LRP1B: variants seen among roughly 807,000 people sequenced by gnomAD.
LRP1B encodes the protein low-density lipoprotein receptor-related protein 1B.
LRP1B carries 217 observed loss-of-function variants against 556.6 expected under a neutral mutation model. The ratio of observed to expected loss-of-function variants is 0.39; its 90% CI spans 0.35 to 0.44. The LOEUF is 0.44. LRP1B is among the 20% of genes least tolerant of loss of function. The probability of loss-of-function intolerance (pLI) is 1.00; values close to 1 mark genes in which losing one functional copy is unlikely to be tolerated. For missense variants in LRP1B, 5,053 were observed against 5,620.8 expected (o/e 0.90, Z 3.23); for synonymous variants, 2,047 against 1,865.8 (o/e 1.10, Z -2.50).
At chr2:142,117,421 G>T (rs949288002) in intron 1 of LRP1B, among the ~76,000 whole-genome samples, 1 of 151,762 alleles carries the variant, frequency 6.6e-6, no homozygotes, top group Non-Finnish European at 1.5e-5. Context: ...CATTATGCTC[G>T]GCTCTCTAGG....
chr2:141,983,332 C>T (rs568418758), intron 1 of LRP1B, among the ~76,000 whole-genome samples: 142 of 152,264 alleles, frequency 9.3e-4, no homozygotes, highest in Non-Finnish European at 1.2e-3. Context: ...TTCCTGTTGT[C>T]GTTACTATTT....
chr2:140,541,087 G>T lies in LRP1B; in HGVS notation c.7399C>A (p.Pro2467Thr), dbSNP rs1248007303. Reference protein sequence around the residue: ...ANDTNSCELSPCALLNGGCHD... With the variant: ...ANDTNSCELSTCALLNGGCHD... ...CAGCCTCCATTCAATAATGCACATG[G>T]AGAAAGTTCACCTACAATAAAGAGG... Residue 2467 changes from proline to threonine, a missense_variant, in exon 45 of 91, where the codon CCA becomes ACA. Physicochemically the swap from Pro to Thr is conservative, Grantham distance 38. Around this residue, in one of 5 missense-constraint regions of LRP1B, gnomAD observed 3,619 missense variants for 3,931.9 expected, o/e 0.92. Coordinates refer to ENST00000389484, the MANE Select transcript of LRP1B (RefSeq NM_018557.3). 6.2e-7 allele frequency: 1 copy of T among 1,609,004 alleles called. No individual in the cohort carries two copies. Among genetic ancestry groups the T allele is most frequent in the Non-Finnish European group, 8.5e-7 (1 of 1,176,594 alleles).
At chr2:140,769,070 A>G in intron 35 of LRP1B, 143 bp downstream of exon 35, 1 of 719,146 alleles carries the variant, frequency 1.4e-6, no homozygotes, top group East Asian at 3.1e-5. Flanking sequence ...ATAATTTATG[A>G]TTGGCCTTAA....
chr2:140,908,214 T>A, intron 21 of LRP1B, 137 bp from the exon 22 acceptor site: 1 of 655,000 alleles, frequency 1.5e-6, no homozygotes, highest in Non-Finnish European at 2.7e-6. Context: ...TGCTTATTAT[T>A]TGACAGTTTA....
intron 41 of LRP1B, among the ~76,000 whole-genome samples, chr2:140,613,821 G>C (rs1440583895): frequency 2.6e-5 from 4 of 152,026 alleles, no homozygotes; most frequent in Non-Finnish European, 5.9e-5. Flanking sequence ...GCCAATACTT[G>C]ATAATAGTCC....
At chr2:140,280,790 C>T (rs761595891) in intron 84 of LRP1B, among the ~76,000 whole-genome samples, 12 of 151,628 alleles carry the variant, frequency 7.9e-5, no homozygotes, top group South Asian at 2.1e-4. Flanking sequence ...GCATAACAGA[C>T]GAGATAGTCT....
At chr2:141,978,036 C>A (rs1035263654) in intron 1 of LRP1B, among the ~76,000 whole-genome samples, 7 of 152,002 alleles carry the variant, frequency 4.6e-5, no homozygotes, top group African/African-American at 1.7e-4. Flanking sequence ...ATGAACAACT[C>A]GCAAACCACA....
intron 3 of LRP1B, among the ~76,000 whole-genome samples, chr2:141,307,247 C>T (rs1033961547): frequency 1.3e-5 from 2 of 151,816 alleles, no homozygotes; most frequent in African/African-American, 4.8e-5. Context: ...TTTATCTCTG[C>T]CTTTAGATTT....
chr2:141,733,068 T>TA (rs2105522823), intron 2 of LRP1B, among the ~76,000 whole-genome samples: 1 of 152,222 alleles, frequency 6.6e-6, no homozygotes, highest in South Asian at 2.1e-4. Context: ...CCAAGGGCTT[T>TA]AAGTATTCTG....
rs148284544 is a variant in LRP1B at position 141,046,085 on chromosome 2, T to C, written c.1789+2901A>G. 2.6e-5 allele frequency among the ~76,000 whole-genome samples: 4 copies of C among 152,194 alleles called. No individual in the cohort carries two copies. The East Asian group carries it at 7.8e-4, about 30-fold the overall frequency. ...AACCTCTAGGAGAAAAAAAATCAAA[T>C]AATGAATAAAGATGGATTTTTTTGG... is the stretch of plus-strand genomic sequence containing the variant. On this transcript the variant is annotated intron_variant, in intron 11 of 90. Transcript: ENST00000389484.
chr2:140,277,630 T>TA (rs1482538099), intron 84 of LRP1B, among the ~76,000 whole-genome samples: 1 of 151,080 alleles, frequency 6.6e-6, no homozygotes, highest in Non-Finnish European at 1.5e-5. Context: ...AAATAAATAA[T>TA]AAAAAATAAA....
chr2:140,689,047 C>T (rs1027139399), intron 41 of LRP1B, among the ~76,000 whole-genome samples: 5 of 152,124 alleles, frequency 3.3e-5, no homozygotes, highest in Non-Finnish European at 7.4e-5. Flanking sequence ...CTTTGAAGTC[C>T]TAGACTATGA....
intron 3 of LRP1B, among the ~76,000 whole-genome samples, chr2:141,468,952 C>T (rs967727581): frequency 2.0e-5 from 3 of 152,056 alleles, no homozygotes; most frequent in Admixed American, 6.6e-5. Context: ...TTTGGTCTGC[C>T]GCTTCATGGT....
In LRP1B at chr2:141,326,542, A is replaced by G. The variant is rs550949633; in HGVS notation, c.344-71901T>C. Among the ~76,000 whole-genome samples the G allele has an allele frequency of 2.3e-4, 35 of 152,292 alleles. No homozygotes were observed. In the South Asian group the frequency reaches 7.2e-3, roughly 32 times the overall value. On this transcript the variant is annotated intron_variant, in intron 3 of 90. Coordinates refer to ENST00000389484, the MANE Select transcript of LRP1B (RefSeq NM_018557.3). ...TATTTTTGTGGGGAAATGAAAATGC[A>G]GTAGGCAAATCAGGTAAACCAGTGG... is the stretch of plus-strand genomic sequence containing the variant.
Position 142,062,675 on chromosome 2 carries a change from A to G in LRP1B, c.82+67973T>C, listed in dbSNP as rs138598377. Among the ~76,000 whole-genome samples the G allele has an allele frequency of 9.3e-3, 1,418 of 151,996 alleles. 13 individuals carry two copies. Among genetic ancestry groups the G allele is most frequent in the Middle Eastern group, 0.024 (7 of 294 alleles). On this transcript the variant is annotated intron_variant, in intron 1 of 90. Transcript: ENST00000389484. ...TGAAGCAAACTAAGGAACTTAATGA[A>G]TAAAACAAGTTTCTTGATTTATAAA...
Position 141,229,363 on chromosome 2 carries a change from T to C in LRP1B, c.670A>G (p.Met224Val). ...CCATTGACTGAGCTTAGAGTTGCCATTTTACTTCCATTAAGATAGAAAACC... is the reference window on the plus strand; with the variant it reads ...CCATTGACTGAGCTTAGAGTTGCCACTTTACTTCCATTAAGATAGAAAACC... Reference protein sequence around the residue: ...IEVFYLNGSKMATLSSVNGNE... With the variant: ...IEVFYLNGSKVATLSSVNGNE... The change falls in exon 6 of 91, where the codon ATG becomes GTG. Residue 224 changes from methionine to valine, a missense_variant. Physicochemically the swap from Met to Val is conservative, Grantham distance 21 (BLOSUM62 1). Coordinates refer to ENST00000389484, the MANE Select transcript of LRP1B (RefSeq NM_018557.3). 1 of 1,611,500 alleles carries C rather than the reference T, an allele frequency of 6.2e-7. No homozygotes were observed. The highest frequency in any genetic ancestry group is 8.5e-7 in the Non-Finnish European group (1 of 1,177,922).
At chr2:141,174,849 G>T (rs938604150) in intron 7 of LRP1B, among the ~76,000 whole-genome samples, 4 of 152,058 alleles carry the variant, frequency 2.6e-5, no homozygotes, top group African/African-American at 9.7e-5. Context: ...ACTTCCTAGA[G>T]ACTTATTGAA....
intron 35 of LRP1B, among the ~76,000 whole-genome samples, chr2:140,755,596 A>G (rs1486894919): frequency 6.6e-6 from 1 of 151,724 alleles, no homozygotes; most frequent in African/African-American, 2.4e-5. Flanking sequence ...AGTAGGTATG[A>G]AAAAAAAGCA....
chr2:140,453,848 AGAT>A (rs1391324145), intron 62 of LRP1B, among the ~76,000 whole-genome samples: 2 of 152,208 alleles, frequency 1.3e-5, no homozygotes, highest in African/African-American at 2.4e-5. Flanking sequence ...GACAATCATT[AGAT>A]GATAAATCAA....
Sources: gnomAD v4.1 joint callset for allele counts (sites outside exome capture counted in the v4.1 genomes callset) on GRCh38, gnomAD v4.1.1 for gene constraint, gnomAD v4.1.1 regional missense constraint, MANE v1.5 for transcripts, NCBI Gene and HGNC (gene_info 2026-07-23, HGNC 2026-07-21) for gene names.